EYA4: variants seen among roughly 807,000 people sequenced by gnomAD.
The protein encoded by EYA4 is protein phosphatase EYA4.
EYA4 carries 31 observed loss-of-function variants against 87.9 expected under a neutral mutation model. The ratio of observed to expected loss-of-function variants is 0.35; its 90% CI spans 0.27 to 0.48. EYA4 has a LOEUF of 0.48. EYA4 is among the 20% of genes least tolerant of loss of function. EYA4 has a pLI of 0.99. For missense variants in EYA4, 678 were observed against 761.4 expected, an observed-to-expected ratio of 0.89 and a Z score of 1.29; for synonymous variants, 263 against 270.6, an observed-to-expected ratio of 0.97 and a Z score of 0.28.
intron 6 of EYA4, among the ~76,000 whole-genome samples, chr6:133,456,908 C>G (rs777231620): frequency 1.3e-5 from 2 of 152,096 alleles, no homozygotes; most frequent in Non-Finnish European, 2.9e-5. Flanking sequence ...AACTTAACTT[C>G]CTTCAAAATT....
intron 13 of EYA4, among the ~76,000 whole-genome samples, chr6:133,500,204 G>A (rs1025758642): frequency 6.6e-6 from 1 of 151,786 alleles, no homozygotes; most frequent in Non-Finnish European, 1.5e-5. Context: ...TGACTGATGC[G>A]TGGACCCACC....
intron 3 of EYA4, among the ~76,000 whole-genome samples, chr6:133,441,940 TTA>T (rs890659932): frequency 6.6e-6 from 1 of 151,950 alleles, no homozygotes; most frequent in African/African-American, 2.4e-5. Flanking sequence ...ACATATATTT[TTA>T]TATATATGTT....
Position 133,276,130 on chromosome 6 carries a change from T to A in EYA4, c.33+1317T>A, listed in dbSNP as rs527994915. Among the ~76,000 whole-genome samples the A allele has an allele frequency of 7.9e-5, 12 of 152,326 alleles. No homozygotes were observed. The East Asian group carries it at 2.3e-3, about 29-fold the overall frequency. On this transcript the variant is annotated intron_variant, in intron 2 of 19. Transcript: ENST00000355286. The stretch of plus-strand genomic sequence containing the variant: ...GTGGACTTGAATAGTTAGTAGTAAA[T>A]GTTGACAACATCTTAGTGGTGATGC...
intron 3 of EYA4, among the ~76,000 whole-genome samples, chr6:133,412,818 G>A (rs1011862300): frequency 6.6e-6 from 1 of 152,010 alleles, no homozygotes; most frequent in Non-Finnish European, 1.5e-5. Context: ...TGTGGCCTTT[G>A]GCTGCTGGTT....
chr6:133,397,845 C>T (rs1034293308), intron 3 of EYA4, among the ~76,000 whole-genome samples: 5 of 152,162 alleles, frequency 3.3e-5, no homozygotes, highest in Admixed American at 2.6e-4. Flanking sequence ...CATCAGATCT[C>T]GTGAGACTTA....
chr6:133,274,732 G>A lies in EYA4; in HGVS notation c.-49G>A. The A allele has an allele frequency of 6.5e-7, 1 of 1,548,962 alleles. No homozygotes were observed. The highest frequency in any genetic ancestry group is 8.9e-7 in the Non-Finnish European group (1 of 1,121,320). ...TTGTTTTAGATAGTCATTTTTACTT[G>A]AAGGAAGCTGCTTCTACTTGGGAGT... On this transcript the variant is annotated 5_prime_UTR_variant, in exon 2 of 20. Transcript: ENST00000355286.
intron 13 of EYA4, among the ~76,000 whole-genome samples, chr6:133,495,837 C>A (rs980384875): frequency 2.0e-5 from 3 of 152,160 alleles, no homozygotes; most frequent in Non-Finnish European, 2.9e-5. Context: ...GAACAAATTT[C>A]CAGATAAAGC....
intron 2 of EYA4, among the ~76,000 whole-genome samples, chr6:133,355,746 T>C (rs1248540918): frequency 1.3e-5 from 2 of 152,220 alleles, no homozygotes; most frequent in East Asian, 1.9e-4. Context: ...TTTTATGTTA[T>C]GTATGTCAAG....
chr6:133,382,951 A>G (rs899360895), intron 3 of EYA4, among the ~76,000 whole-genome samples: 14 of 152,206 alleles, frequency 9.2e-5, no homozygotes, highest in Admixed American at 6.5e-5. Flanking sequence ...TGGTGAGGCC[A>G]CTTCATATAG....
At chr6:133,429,048 T>C (rs562925624) in intron 3 of EYA4, among the ~76,000 whole-genome samples, 1 of 145,186 alleles carries the variant, frequency 6.9e-6, no homozygotes, top group African/African-American at 2.6e-5. Flanking sequence ...TGCCACAGCC[T>C]CCCGAGTAGC....
At chr6:133,418,659 G>A (rs1389783884) in intron 3 of EYA4, among the ~76,000 whole-genome samples, 1 of 152,166 alleles carries the variant, frequency 6.6e-6, no homozygotes, top group African/African-American at 2.4e-5. Context: ...TCTGAAACAT[G>A]AAGTTAAGGT....
chr6:133,500,152 T>G (rs1012000483), intron 13 of EYA4, among the ~76,000 whole-genome samples: 5 of 151,722 alleles, frequency 3.3e-5, no homozygotes, highest in Non-Finnish European at 5.9e-5. Context: ...CTGCTGACTC[T>G]CAATTTCGTT....
intron 1 of EYA4, among the ~76,000 whole-genome samples, chr6:133,243,152 T>A (rs946192307): frequency 6.7e-6 from 1 of 150,180 alleles, no homozygotes; most frequent in Admixed American, 6.7e-5. Flanking sequence ...GTAACAGGAC[T>A]CTGGTGTTCA....
At position 133,531,231 on chromosome 6, in the gene EYA4, TA is replaced by T. The variant is rs1174951025; in HGVS notation, c.*2429del. 3 of 1,532,696 alleles carry T rather than the reference TA, an allele frequency of 2.0e-6. No homozygotes were observed. Among genetic ancestry groups the T allele is most frequent in the Non-Finnish European group, 2.6e-6 (3 of 1,144,716 alleles). The allele number at this position is 1,532,696 out of a possible 1,614,324, so 94.9% of individuals were successfully genotyped here. ...CAGAAGAGGCTGCCGGCATAAAACC[TA>T]AATGCAAGGTTGACGGAGAACAGCT... On this transcript the variant is annotated 3_prime_UTR_variant, in exon 20 of 20. Coordinates refer to ENST00000355286, the MANE Select transcript of EYA4 (RefSeq NM_004100.5).
At chr6:133,429,795 A>G (rs74359146) in intron 3 of EYA4, among the ~76,000 whole-genome samples, 3,421 of 152,308 alleles carry the variant, frequency 0.022, 117 homozygotes, top group African/African-American at 0.078. Flanking sequence ...GAAAGGGAAA[A>G]AAAGAAAGCT....
chr6:133,342,283 A>C, intron 2 of EYA4, among the ~76,000 whole-genome samples: 1 of 149,960 alleles, frequency 6.7e-6, no homozygotes, highest in African/African-American at 2.4e-5. Flanking sequence ...TGTTAGATTC[A>C]AGGATGTGTC....
rs116950680 is a variant in EYA4, at chr6:133,350,678, G to T, written c.34-31714G>T. The stretch of plus-strand genomic sequence containing the variant: ...CCTGTGGCTCTATTCTTTGTCGTTT[G>T]CTCTCTGTATCTTTTTCGTACTTCA... On this transcript the variant is annotated intron_variant, in intron 2 of 19. Transcript: ENST00000355286. Among the ~76,000 whole-genome samples, 373 of 152,148 alleles carry T rather than the reference G, an allele frequency of 2.5e-3. 1 individual carries two copies. The highest frequency in any genetic ancestry group is 4.0e-3 in the Non-Finnish European group (271 of 68,012).
chr6:133,316,654 A>G (rs1287668194), intron 2 of EYA4, among the ~76,000 whole-genome samples: 4 of 152,192 alleles, frequency 2.6e-5, no homozygotes, highest in Admixed American at 1.3e-4. Context: ...GTACATGGCT[A>G]TTTATTCATA....
intron 3 of EYA4, among the ~76,000 whole-genome samples, chr6:133,401,724 T>G (rs1047047323): frequency 5.9e-5 from 9 of 152,216 alleles, no homozygotes; most frequent in Admixed American, 2.6e-4. Context: ...ATGTGTACTG[T>G]TTGACACATA....
Sources: gnomAD v4.1 joint callset for allele counts (sites outside exome capture counted in the v4.1 genomes callset) on GRCh38, gnomAD v4.1.1 for gene constraint, MANE v1.5 for transcripts, NCBI Gene and HGNC (gene_info 2026-07-23, HGNC 2026-07-21) for gene names.